RBFOX1: variants seen among roughly 807,000 people sequenced by gnomAD.
The protein encoded by RBFOX1 is RNA binding fox-1 homolog 1.
RBFOX1 carries 8 observed loss-of-function variants against 57.7 expected under a neutral mutation model. That is an observed-to-expected ratio of 0.14 (90% CI 0.08 to 0.25). RBFOX1 has a LOEUF of 0.25. Ranked by LOEUF, RBFOX1 falls within the 10% of genes least tolerant of loss-of-function variation. The pLI, the probability that RBFOX1 is intolerant of heterozygous loss-of-function variation, is 1.00. For synonymous variants in RBFOX1, 326 were observed against 222.4 expected (o/e 1.47, Z -4.15); for missense variants, 611 against 548.5 (o/e 1.11, Z -1.14).
chr16:7,280,189 A>G (rs1655600185), intron 4 of RBFOX1, among the ~76,000 whole-genome samples: 1 of 152,234 alleles, frequency 6.6e-6, no homozygotes, highest in Admixed American at 6.5e-5. Flanking sequence ...CACCTTGACT[A>G]AATTCAGCTG....
chr16:6,371,603 G>A (rs2090441888), intron 2 of RBFOX1, among the ~76,000 whole-genome samples: 1 of 151,762 alleles, frequency 6.6e-6, no homozygotes, highest in Non-Finnish European at 1.5e-5. Context: ...GACTTTTCTT[G>A]CCCCAGTCCT....
At chr16:6,801,385 T>C (rs2085406893) in intron 3 of RBFOX1, among the ~76,000 whole-genome samples, 1 of 152,150 alleles carries the variant, frequency 6.6e-6, no homozygotes, top group Non-Finnish European at 1.5e-5. Context: ...CATCTATCTT[T>C]ATACTAGTTC....
intron 3 of RBFOX1, among the ~76,000 whole-genome samples, chr16:5,771,963 G>A (rs2053994116): frequency 6.6e-6 from 1 of 152,100 alleles, no homozygotes; most frequent in Non-Finnish European, 1.5e-5. Context: ...CACGAGGTCA[G>A]GATTTTGAGA....
chr16:5,256,750 T>C (rs1366901021), intron 1 of RBFOX1, among the ~76,000 whole-genome samples: 1 of 151,908 alleles, frequency 6.6e-6, no homozygotes, highest in African/African-American at 2.4e-5. Context: ...GCCTGGCCAA[T>C]ATGCGAAACC....
chr16:7,496,480 A>G (rs1410821100), intron 4 of RBFOX1, among the ~76,000 whole-genome samples: 1 of 152,112 alleles, frequency 6.6e-6, no homozygotes, highest in Non-Finnish European at 1.5e-5. Flanking sequence ...AGTGATATCT[A>G]ACTCAGAGCC....
intron 3 of RBFOX1, among the ~76,000 whole-genome samples, chr16:5,649,485 A>C (rs1426270902): frequency 1.3e-5 from 2 of 152,176 alleles, no homozygotes; most frequent in Non-Finnish European, 2.9e-5. Flanking sequence ...TAATATTTTT[A>C]AAATGTGTTT....
intron 11 of RBFOX1, among the ~76,000 whole-genome samples, chr16:7,641,467 C>G (rs1175971854): frequency 1.3e-5 from 2 of 152,200 alleles, no homozygotes; most frequent in East Asian, 1.9e-4. Flanking sequence ...AATGCAGTTT[C>G]AGAACCAAAC....
At chr16:7,401,349 T>G (rs2098240015) in intron 4 of RBFOX1, among the ~76,000 whole-genome samples, 2 of 152,186 alleles carry the variant, frequency 1.3e-5, no homozygotes, top group South Asian at 2.1e-4. Flanking sequence ...TAAACTTTGT[T>G]GAGTATTTAG....
intron 4 of RBFOX1, among the ~76,000 whole-genome samples, chr16:7,323,186 G>C (rs1297731461): frequency 6.6e-6 from 1 of 152,308 alleles, no homozygotes; most frequent in East Asian, 1.9e-4. Flanking sequence ...GACTTTGGGA[G>C]GCTGAGTTGG....
At chr16:6,375,570 G>C (rs904742003) in intron 2 of RBFOX1, among the ~76,000 whole-genome samples, 1 of 152,044 alleles carries the variant, frequency 6.6e-6, no homozygotes, top group African/African-American at 2.4e-5. Flanking sequence ...TCTAGGAAAA[G>C]ACCCCTGTGG....
At chr16:7,379,858 TTTTC>T (rs2097757774) in intron 4 of RBFOX1, among the ~76,000 whole-genome samples, 1 of 151,854 alleles carries the variant, frequency 6.6e-6, no homozygotes, top group African/African-American at 2.4e-5. Flanking sequence ...TTTCTCTTCC[TTTTC>T]TTTCTTTCTA....
At chr16:6,005,292 C>G (rs148253168) in intron 4 of RBFOX1, among the ~76,000 whole-genome samples, 34 of 152,330 alleles carry the variant, frequency 2.2e-4, no homozygotes, top group African/African-American at 8.2e-4. Flanking sequence ...TCCAGGAACT[C>G]CATTTCTTGG....
intron 3 of RBFOX1, among the ~76,000 whole-genome samples, chr16:6,662,192 G>C (rs911746185): frequency 3.9e-5 from 6 of 152,200 alleles, no homozygotes; most frequent in Admixed American, 3.9e-4. Context: ...ATCAGATTAA[G>C]TTATAGATAA....
chr16:5,657,734 T>C (rs2049495797), intron 3 of RBFOX1, among the ~76,000 whole-genome samples: 1 of 121,838 alleles, frequency 8.2e-6, no homozygotes, highest in African/African-American at 2.9e-5. Flanking sequence ...TTTCTTTTCT[T>C]TTCTTTTTTT....
chr16:7,622,993 T>C (rs564975511), intron 10 of RBFOX1, among the ~76,000 whole-genome samples: 1 of 152,330 alleles, frequency 6.6e-6, no homozygotes, highest in African/African-American at 2.4e-5. Flanking sequence ...GGGCTTTGGG[T>C]AAATTTTGGA....
downstream of RBFOX1, among the ~76,000 whole-genome samples, chr16:5,600,971 A>T (rs919949622): frequency 3.3e-5 from 5 of 152,164 alleles, no homozygotes; most frequent in Admixed American, 3.3e-4. Flanking sequence ...CACAGCCTGG[A>T]CTTACCCTCT....
intron 3 of RBFOX1, among the ~76,000 whole-genome samples, chr16:7,042,759 C>T (rs749348088): frequency 6.6e-6 from 1 of 152,092 alleles, no homozygotes; most frequent in Non-Finnish European, 1.5e-5. Flanking sequence ...AACTCCATCT[C>T]TGCTACAAAT....
At chr16:5,433,847 G>C (rs1438435051) in intron 1 of RBFOX1, among the ~76,000 whole-genome samples, 1 of 152,058 alleles carries the variant, frequency 6.6e-6, no homozygotes, top group Non-Finnish European at 1.5e-5. Flanking sequence ...TCAATACATG[G>C]TTATTACATG....
chr16:6,756,120 C>A (rs763379329), intron 3 of RBFOX1, among the ~76,000 whole-genome samples: 20 of 152,080 alleles, frequency 1.3e-4, no homozygotes, highest in Non-Finnish European at 2.6e-4. Flanking sequence ...TAGTAGAAAC[C>A]TTTAAAAATC....
Sources: allele counts gnomAD v4.1 joint callset (sites outside exome capture counted in the v4.1 genomes callset), GRCh38; gene constraint gnomAD v4.1.1; transcripts MANE v1.5; gene names NCBI Gene and HGNC (gene_info 2026-07-23, HGNC 2026-07-21).